Variants in BTBD9 observed in about 807,000 individuals in gnomAD.
BTBD9 encodes BTB domain containing 9.
BTBD9 carries 49 observed loss-of-function variants against 64.3 expected under a neutral mutation model. That is an observed-to-expected ratio of 0.76 (90% CI 0.61 to 0.97). The LOEUF (loss-of-function observed/expected upper bound fraction) is 0.97. Among genes scored for constraint, BTBD9 ranks in the 50% least tolerant of loss-of-function variants. BTBD9 has a pLI of 0.00. For synonymous variants in BTBD9, 260 were observed against 274.7 expected (o/e 0.95, Z 0.53); for missense variants, 598 against 762.1 (o/e 0.78, Z 2.53).
At chr6:38,179,498 A>T (rs1430263324) in intron 10 of BTBD9, 1 of 456,758 alleles carries the variant, frequency 2.2e-6, no homozygotes. Context: ...TCAGACCTGC[A>T]CTCATGCCAA....
intron 6 of BTBD9, among the ~76,000 whole-genome samples, chr6:38,449,503 G>T (rs1470152003): frequency 6.6e-6 from 1 of 151,206 alleles, no homozygotes; most frequent in African/African-American, 2.4e-5. Flanking sequence ...AAAGTGGCAA[G>T]AATATACAAT....
At chr6:38,341,061 ATAAT>A (rs1055869834) in intron 7 of BTBD9, among the ~76,000 whole-genome samples, 2 of 152,238 alleles carry the variant, frequency 1.3e-5, no homozygotes, top group African/African-American at 4.8e-5. Flanking sequence ...TAACAAATAA[ATAAT>A]TAGAGAAAAA....
intron 6 of BTBD9, among the ~76,000 whole-genome samples, chr6:38,453,815 A>C (rs982069633): frequency 6.6e-6 from 1 of 152,210 alleles, no homozygotes; most frequent in African/African-American, 2.4e-5. Flanking sequence ...CCGCTATATA[A>C]ATAAATCAAG....
intron 6 of BTBD9, among the ~76,000 whole-genome samples, chr6:38,558,797 T>C (rs1775142173): frequency 6.6e-6 from 1 of 152,234 alleles, no homozygotes; most frequent in Non-Finnish European, 1.5e-5. Flanking sequence ...TAGAATTTTG[T>C]TGAAGATTTT....
chr6:38,193,657 C>T (rs1021332488), intron 9 of BTBD9, among the ~76,000 whole-genome samples: 1 of 152,168 alleles, frequency 6.6e-6, no homozygotes, highest in African/African-American at 2.4e-5. Context: ...ACTGTAAACT[C>T]CAATAATATT....
intron 6 of BTBD9, among the ~76,000 whole-genome samples, chr6:38,395,392 A>G (rs7766214): frequency 0.41 from 62,171 of 151,988 alleles, 15,925 homozygotes; most frequent in East Asian, 0.95. Flanking sequence ...AGCCATGATC[A>G]TACCAGCTTG....
chr6:38,561,674 C>T (rs1471562640), intron 6 of BTBD9, among the ~76,000 whole-genome samples: 1 of 152,064 alleles, frequency 6.6e-6, no homozygotes, highest in East Asian at 1.9e-4. Flanking sequence ...GGCCATCATC[C>T]TAAGTGAATT....
At chr6:38,328,968 ATGTGTGTGTGTGTGTGTGTG>A (rs70981541) in intron 7 of BTBD9, among the ~76,000 whole-genome samples, 43 of 127,376 alleles carry the variant, frequency 3.4e-4, no homozygotes, top group African/African-American at 1.1e-3. Context: ...GAAAGAAAAT[ATGTGTGTGTGTGTGTGTGTG>A]TGTGTGTGTG....
At chr6:38,449,163 C>T (rs13218556) in intron 6 of BTBD9, among the ~76,000 whole-genome samples, 15,673 of 152,148 alleles carry the variant, frequency 0.1, 862 homozygotes, top group African/African-American at 0.13. Flanking sequence ...AACCTGGTTA[C>T]TGTTTTTCAA....
rs183348035 is a variant in BTBD9, at chr6:38,276,998, T to A, written c.1454+11274A>T. Among the ~76,000 whole-genome samples, 499 of 152,346 alleles carry A rather than the reference T, an allele frequency of 3.3e-3. 2 individuals carry two copies. The highest frequency in any genetic ancestry group is 6.8e-3 in the Middle Eastern group (2 of 294). On this transcript the variant is annotated intron_variant, in intron 8 of 10. Transcript: ENST00000481247. ...ATACATCTGGTTAACAGACTCCATG[T>A]AAACTGACAATTTAGGTAAGAGTTT... is the stretch of plus-strand genomic sequence containing the variant.
In BTBD9 at chr6:38,558,083, G is replaced by C. The variant is rs749668331; in HGVS notation, c.1154+19517C>G. ...GAGACCAGCCTGAGCAACACAGTAA[G>C]ACCCTATATCTAGAAAAAATAAAAA... On this transcript the variant is annotated intron_variant, in intron 6 of 10. Coordinates refer to ENST00000481247, the MANE Select transcript of BTBD9 (RefSeq NM_001099272.2). 1.3e-3 allele frequency among the ~76,000 whole-genome samples: 205 copies of C among 152,194 alleles called. 2 individuals are homozygous for C. The highest frequency in any genetic ancestry group is 3.8e-3 in the Admixed American group (58 of 15,290).
At position 38,467,331 on chromosome 6, in the gene BTBD9, C is replaced by T. The variant is rs1391523470; in HGVS notation, c.1154+110269G>A. Among the ~76,000 whole-genome samples the T allele has an allele frequency of 2.6e-5, 4 of 152,122 alleles. No individual in the cohort carries two copies. In the East Asian group the frequency reaches 7.7e-4, roughly 29 times the overall value. On this transcript the variant is annotated intron_variant, in intron 6 of 10. Transcript: ENST00000481247. Reference sequence around the variant, plus strand: ...TAAGAGAGGATGTCTGTCATTTTCGCCTGAACAAATACAAAACTATCTGTT... The same window carrying T: ...TAAGAGAGGATGTCTGTCATTTTCGTCTGAACAAATACAAAACTATCTGTT...
intron 6 of BTBD9, among the ~76,000 whole-genome samples, chr6:38,355,417 C>T (rs1255007769): frequency 1.3e-5 from 2 of 152,156 alleles, no homozygotes; most frequent in African/African-American, 4.8e-5. Flanking sequence ...TTTGGCAAGG[C>T]TGTTTTTTTC....
At chr6:38,319,389 G>T (rs1231210880) in intron 7 of BTBD9, among the ~76,000 whole-genome samples, 1 of 152,028 alleles carries the variant, frequency 6.6e-6, no homozygotes, top group African/African-American at 2.4e-5. Context: ...CTGCGAATAT[G>T]CTGGGCCACA....
intron 9 of BTBD9, among the ~76,000 whole-genome samples, chr6:38,235,402 AC>A (rs2127520272): frequency 6.6e-6 from 1 of 152,268 alleles, no homozygotes; most frequent in East Asian, 1.9e-4. Context: ...TTTAGAACCA[AC>A]CTTCAGGGCT....
intron 6 of BTBD9, among the ~76,000 whole-genome samples, chr6:38,381,081 A>T (rs543789886): frequency 4.7e-4 from 71 of 152,276 alleles, no homozygotes; most frequent in African/African-American, 1.4e-3. Context: ...AGTAAAATTT[A>T]AAAAAATTCA....
chr6:38,430,102 T>A (rs1321177555), intron 6 of BTBD9, among the ~76,000 whole-genome samples: 1 of 152,040 alleles, frequency 6.6e-6, no homozygotes, highest in African/African-American at 2.4e-5. Context: ...AGGTAGGAGA[T>A]TATAATTCTG....
intron 6 of BTBD9, among the ~76,000 whole-genome samples, chr6:38,474,113 G>A (rs1298803960): frequency 6.6e-6 from 1 of 152,152 alleles, no homozygotes; most frequent in African/African-American, 2.4e-5. Context: ...AGCTTAATGG[G>A]TTATGTACAT....
At chr6:38,495,368 C>T (rs1227770100) in intron 6 of BTBD9, among the ~76,000 whole-genome samples, 1 of 152,178 alleles carries the variant, frequency 6.6e-6, no homozygotes, top group African/African-American at 2.4e-5. Context: ...TCTATTCTTA[C>T]CAACAAAAGA....
Sources: allele counts gnomAD v4.1 joint callset (sites outside exome capture counted in the v4.1 genomes callset), GRCh38; gene constraint gnomAD v4.1.1; transcripts MANE v1.5; gene names NCBI Gene and HGNC (gene_info 2026-07-23, HGNC 2026-07-21).